SPMIP5: variants seen among roughly 807,000 people sequenced by gnomAD.
The protein encoded by SPMIP5 is sperm microtubule inner protein 5, also known as sperm-associated microtubule inner protein 5.
the SPMIP5 span, among the ~76,000 whole-genome samples, chr10:116,662,747 C>CA: frequency 1.1e-3 from 166 of 151,672 alleles, no homozygotes; most frequent in African/African-American, 3.1e-3. Flanking sequence ...CTATGTCCCT[C>CA]AAAAAAAACA....
chr10:116,664,173 C>G, the SPMIP5 span: 1 of 1,614,118 alleles, frequency 6.2e-7, no homozygotes. Context: ...TTTCTCCTCA[C>G]CTGGAATAGA....
At chr10:116,667,080 T>C in the SPMIP5 span, among the ~76,000 whole-genome samples, 1 of 152,136 alleles carries the variant, frequency 6.6e-6, no homozygotes, top group Non-Finnish European at 1.5e-5. Context: ...AATGAGATCA[T>C]CCCGGATTTA....
At chr10:116,668,331 T>G in the SPMIP5 span, 1 of 1,602,186 alleles carries the variant, frequency 6.2e-7, no homozygotes, top group Non-Finnish European at 8.6e-7. Context: ...TCTCTGTTAG[T>G]GGAGGGAAGA....
chr10:116,668,933 GCACACACACACACACACA>G, the SPMIP5 span, among the ~76,000 whole-genome samples: 2 of 135,282 alleles, frequency 1.5e-5, no homozygotes, highest in Non-Finnish European at 3.1e-5. Context: ...GCACACACAT[GCACACACACACACACACA>G]CACACACACA....
At chr10:116,666,067 C>T in the SPMIP5 span, among the ~76,000 whole-genome samples, 2 of 152,186 alleles carry the variant, frequency 1.3e-5, no homozygotes, top group Admixed American at 6.5e-5. Context: ...TCAACAAAGG[C>T]GATGACAGTA....
At chr10:116,664,565 G>T in the SPMIP5 span, 2 of 1,112,092 alleles carry the variant, frequency 1.8e-6, no homozygotes, top group Non-Finnish European at 2.4e-6. Flanking sequence ...GCTGGGGAAT[G>T]CTGAGCACAG....
the SPMIP5 span, chr10:116,664,249 T>C: frequency 6.2e-7 from 1 of 1,606,564 alleles, no homozygotes; most frequent in East Asian, 2.2e-5. Flanking sequence ...GCAGAAGTTT[T>C]TGTGGAGCTA....
the SPMIP5 span, chr10:116,665,049 G>T: frequency 1.3e-6 from 2 of 1,512,102 alleles, no homozygotes; most frequent in Non-Finnish European, 1.8e-6. Context: ...GGGTCTCCTA[G>T]TTCTCAGACC....
the SPMIP5 span, chr10:116,665,595 AG>A: frequency 6.2e-7 from 1 of 1,606,816 alleles, no homozygotes; most frequent in Non-Finnish European, 8.5e-7. Context: ...AAATGGTTTC[AG>A]GGCGCTGCTA....
the SPMIP5 span, among the ~76,000 whole-genome samples, chr10:116,667,327 C>T: frequency 0.016 from 2,428 of 152,324 alleles, 36 homozygotes; most frequent in Middle Eastern, 0.024. Context: ...GACGTCTGGC[C>T]TCAGAACTGT....
the SPMIP5 span, among the ~76,000 whole-genome samples, chr10:116,667,505 G>T: frequency 6.6e-6 from 1 of 152,154 alleles, no homozygotes; most frequent in Non-Finnish European, 1.5e-5. Flanking sequence ...ACCTCAGCTT[G>T]TCAGAACCCA....
chr10:116,668,123 T>G, the SPMIP5 span: 1 of 824,738 alleles, frequency 1.2e-6, no homozygotes, highest in Non-Finnish European at 2.0e-6. Flanking sequence ...ATGCTCTCAA[T>G]GCATGTCTGA....
the SPMIP5 span, among the ~76,000 whole-genome samples, chr10:116,662,538 G>T: frequency 2.0e-5 from 3 of 152,192 alleles, no homozygotes; most frequent in Admixed American, 2.0e-4. Flanking sequence ...AGCCCAGCAT[G>T]TCCAGGTGAA....
chr10:116,664,545 A>G, the SPMIP5 span: 1 of 994,780 alleles, frequency 1.0e-6, no homozygotes, highest in Non-Finnish European at 1.4e-6. Context: ...CAAAGACCAC[A>G]GGTAGAGCTG....
the SPMIP5 span, among the ~76,000 whole-genome samples, chr10:116,663,054 C>A: frequency 4.6e-5 from 7 of 151,886 alleles, no homozygotes; most frequent in African/African-American, 1.7e-4. Context: ...TGGTGGTGGG[C>A]GCCTGTAGTC....
chr10:116,670,129 T>A, the SPMIP5 span: 17 of 152,020 alleles, frequency 1.1e-4, no homozygotes, highest in Admixed American at 2.0e-4. Flanking sequence ...CGGACCCCGG[T>A]GTAAAGTCGG....
At chr10:116,663,043 G>A in the SPMIP5 span, among the ~76,000 whole-genome samples, 6 of 152,166 alleles carry the variant, frequency 3.9e-5, no homozygotes, top group East Asian at 5.8e-4. Flanking sequence ...TCAGCCGGGC[G>A]TGGTGGTGGG....
At chr10:116,668,315 T>C in the SPMIP5 span, 68 of 1,611,592 alleles carry the variant, frequency 4.2e-5, no homozygotes, top group Non-Finnish European at 5.3e-5. Flanking sequence ...GGCTCCATGA[T>C]TTCGCTCTCT....
At chr10:116,669,191 T>C in the SPMIP5 span, among the ~76,000 whole-genome samples, 1 of 152,196 alleles carries the variant, frequency 6.6e-6, no homozygotes, top group East Asian at 1.9e-4. Flanking sequence ...CCTGCCCTGC[T>C]GAGCCAGTTC....
Sources: allele counts gnomAD v4.1 joint callset (sites outside exome capture counted in the v4.1 genomes callset), GRCh38; gene constraint gnomAD v4.1.1; transcripts MANE v1.5; gene names NCBI Gene and HGNC (gene_info 2026-07-23, HGNC 2026-07-21).